The following KCNC2 variants were observed in gnomAD, a reference collection of about 807,000 sequenced individuals.
KCNC2 encodes voltage-gated potassium channel KCNC2.
KCNC2 carries 21 observed loss-of-function variants against 44.5 expected under a neutral mutation model. That is an observed-to-expected ratio of 0.47 (90% CI 0.33 to 0.68). KCNC2 has a LOEUF of 0.68. Among genes scored for constraint, KCNC2 ranks in the 30% least tolerant of loss-of-function variants. KCNC2 has a pLI of 0.01. For missense variants in KCNC2, 589 were observed against 826.2 expected (o/e 0.71, Z 3.52); for synonymous variants, 391 against 339.1 (o/e 1.15, Z -1.68).
chr12:75,124,263 A>C (rs1418364335), intron 2 of KCNC2, among the ~76,000 whole-genome samples: 2 of 152,198 alleles, frequency 1.3e-5, no homozygotes, highest in Non-Finnish European at 2.9e-5. Context: ...TGTTTTTTAA[A>C]GTTAAAAGGC....
intron 4 of KCNC2, 130 bp downstream of exon 4, chr12:75,048,023 G>A (rs376691590): frequency 5.3e-6 from 4 of 751,932 alleles, no homozygotes; most frequent in Non-Finnish European, 8.9e-6. Flanking sequence ...AAGATGTAAT[G>A]AAGAGAGGAA....
intron 2 of KCNC2, among the ~76,000 whole-genome samples, chr12:75,138,964 G>T (rs1190520047): frequency 9.4e-6 from 1 of 106,454 alleles, no homozygotes; most frequent in African/African-American, 4.2e-5. Flanking sequence ...CTGGGCCACA[G>T]AGCGAGACTC....
chr12:75,087,990 G>A (rs1237992534), intron 2 of KCNC2, among the ~76,000 whole-genome samples: 3 of 112,374 alleles, frequency 2.7e-5, no homozygotes, highest in Non-Finnish European at 4.9e-5. Flanking sequence ...ATGGATATCA[G>A]TTATGGAAAA....
intron 2 of KCNC2, among the ~76,000 whole-genome samples, chr12:75,092,076 G>A (rs924284233): frequency 6.6e-6 from 1 of 151,554 alleles, no homozygotes; most frequent in Non-Finnish European, 1.5e-5. Context: ...ATCCACCTGA[G>A]ATGCTTGATT....
At chr12:75,105,224 G>A (rs1351982550) in intron 2 of KCNC2, among the ~76,000 whole-genome samples, 1 of 152,100 alleles carries the variant, frequency 6.6e-6, no homozygotes, top group Non-Finnish European at 1.5e-5. Context: ...AAGTGAGTGT[G>A]TAAAACATAT....
chr12:75,087,477 G>A (rs1182198897), intron 2 of KCNC2, among the ~76,000 whole-genome samples: 2 of 152,096 alleles, frequency 1.3e-5, no homozygotes, highest in Admixed American at 6.6e-5. Flanking sequence ...TTTCAGCAAT[G>A]TTTAAACCTC....
chr12:75,040,094 A>C lies in KCNC2; in HGVS notation c.*3011T>G, dbSNP rs200433516. The C allele has an allele frequency of 3.3e-5, 5 of 152,068 alleles. No homozygotes were observed. The highest frequency in any genetic ancestry group is 7.4e-5 in the Non-Finnish European group (5 of 67,974). 9.4% of individuals were successfully genotyped at this position (152,068 alleles called of 1,614,324 possible). ...GCCAAGACAATAATTTGAGTAATTT[A>C]ATCAGATAACATTCAAGTTTATCCC... On this transcript the variant is annotated 3_prime_UTR_variant, in exon 5 of 5. Coordinates refer to ENST00000549446, the MANE Select transcript of KCNC2 (RefSeq NM_139137.4).
chr12:75,110,611 G>A (rs1040462909), intron 2 of KCNC2, among the ~76,000 whole-genome samples: 6 of 152,144 alleles, frequency 3.9e-5, no homozygotes, highest in Admixed American at 6.5e-5. Context: ...GCTGAGCCAT[G>A]TGCCTTGTAA....
intron 2 of KCNC2, among the ~76,000 whole-genome samples, chr12:75,152,275 A>C (rs1890454430): frequency 6.6e-6 from 1 of 151,276 alleles, no homozygotes; most frequent in Non-Finnish European, 1.5e-5. Flanking sequence ...ATAGTAAAAA[A>C]AAAGAGTATC....
intron 2 of KCNC2, among the ~76,000 whole-genome samples, chr12:75,204,230 G>GA (rs2031508763): frequency 6.6e-6 from 1 of 151,656 alleles, no homozygotes; most frequent in Non-Finnish European, 1.5e-5. Context: ...TTTACCAATT[G>GA]AAATACAACA....
intron 2 of KCNC2, among the ~76,000 whole-genome samples, chr12:75,111,882 A>G (rs1196000684): frequency 6.6e-6 from 1 of 152,086 alleles, no homozygotes; most frequent in Non-Finnish European, 1.5e-5. Context: ...TCAACAAGCT[A>G]TTCCACCAGT....
intron 2 of KCNC2, among the ~76,000 whole-genome samples, chr12:75,190,934 C>T (rs2030144956): frequency 6.6e-6 from 1 of 151,854 alleles, no homozygotes; most frequent in Non-Finnish European, 1.5e-5. Context: ...TTATATATGG[C>T]ATATCCACAA....
At chr12:75,144,307 G>A (rs932722497) in intron 2 of KCNC2, among the ~76,000 whole-genome samples, 3 of 152,140 alleles carry the variant, frequency 2.0e-5, no homozygotes, top group Non-Finnish European at 2.9e-5. Context: ...AACACGGTAG[G>A]CTTATCATGC....
intron 2 of KCNC2, among the ~76,000 whole-genome samples, chr12:75,111,989 A>G (rs1260670233): frequency 7.0e-6 from 1 of 142,766 alleles, no homozygotes; most frequent in Non-Finnish European, 1.5e-5. Flanking sequence ...TTCAATAGGA[A>G]AAAATTCAAT....
In KCNC2 at chr12:75,104,298, CA is replaced by C. The variant is rs1375615045; in HGVS notation, c.688-52982del. Among the ~76,000 whole-genome samples, 15 of 152,178 alleles carry C rather than the reference CA, an allele frequency of 9.9e-5. No individual in the cohort carries two copies. In the East Asian group the frequency reaches 2.7e-3, roughly 27 times the overall value. ...CTGGACAAGGGGAAGGTTCACGTCC[CA>C]AGTAGAATGGAGCAGGATGGAGCAA... On this transcript the variant is annotated intron_variant, in intron 2 of 4. Transcript: ENST00000549446.
At chr12:75,076,038 TACACACACACACACACAC>T (rs71078709) in intron 2 of KCNC2, among the ~76,000 whole-genome samples, 2 of 141,344 alleles carry the variant, frequency 1.4e-5, no homozygotes, top group African/African-American at 2.6e-5. Context: ...TAATGTTACA[TACACACACACACACACAC>T]ACACACACAC....
At chr12:75,054,321 A>T (rs1881508974) in intron 2 of KCNC2, among the ~76,000 whole-genome samples, 1 of 152,032 alleles carries the variant, frequency 6.6e-6, no homozygotes, top group East Asian at 1.9e-4. Flanking sequence ...TTAGGATAAT[A>T]ATCTTAGGAT....
intron 2 of KCNC2, among the ~76,000 whole-genome samples, chr12:75,147,006 A>C (rs1033827439): frequency 6.6e-6 from 1 of 152,160 alleles, no homozygotes; most frequent in African/African-American, 2.4e-5. Flanking sequence ...ACATCATAAG[A>C]CTTTATACTT....
intron 4 of KCNC2, chr12:75,043,630 G>T: frequency 8.1e-7 from 1 of 1,234,446 alleles, no homozygotes; most frequent in Middle Eastern, 2.9e-4. Flanking sequence ...GAAATAAGTA[G>T]GCTACTTTTT....
Sources: gnomAD v4.1 joint callset for allele counts (sites outside exome capture counted in the v4.1 genomes callset) on GRCh38, gnomAD v4.1.1 for gene constraint, MANE v1.5 for transcripts, NCBI Gene and HGNC (gene_info 2026-07-23, HGNC 2026-07-21) for gene names.